Variants in ABCC5 observed in about 807,000 individuals in gnomAD.
ABCC5 encodes the protein ATP-binding cassette sub-family C member 5.
In ABCC5, 61 loss-of-function variants were observed where a neutral mutation model predicts 160.9. That is an observed-to-expected ratio of 0.38 (90% CI 0.31 to 0.47). The LOEUF (loss-of-function observed/expected upper bound fraction) is 0.47, where lower values mean the gene tolerates loss of function less well. Among genes scored for constraint, ABCC5 ranks in the 20% least tolerant of loss-of-function variants. The pLI is 0.99. For missense variants in ABCC5, 1,308 were observed against 1,813.3 expected (o/e 0.72, Z 5.06); for synonymous variants, 666 against 700.6 (o/e 0.95, Z 0.78).
intron 26 of ABCC5, among the ~76,000 whole-genome samples, chr3:183,930,794 C>T (rs1182777091): frequency 2.6e-5 from 4 of 152,156 alleles, no homozygotes; most frequent in Non-Finnish European, 5.9e-5. Context: ...TTCCAGCCCC[C>T]GGAACTGTGA....
At chr3:183,966,577 T>C (rs1717234591) in intron 12 of ABCC5, among the ~76,000 whole-genome samples, 1 of 152,094 alleles carries the variant, frequency 6.6e-6, no homozygotes. Context: ...ACTTACGAAT[T>C]GACCTTTTCT....
At chr3:183,930,369 T>G (rs990102710) in intron 26 of ABCC5, among the ~76,000 whole-genome samples, 3 of 152,260 alleles carry the variant, frequency 2.0e-5, no homozygotes, top group African/African-American at 7.2e-5. Flanking sequence ...TTTTCCCGCT[T>G]GGAACATGCT....
chr3:183,960,181 G>A (rs919556775), intron 16 of ABCC5, among the ~76,000 whole-genome samples: 1 of 152,046 alleles, frequency 6.6e-6, no homozygotes, highest in Non-Finnish European at 1.5e-5. Flanking sequence ...CCATAGATCT[G>A]ATCATTTCCC....
chr3:183,954,551 T>C (rs1323888816), intron 17 of ABCC5, among the ~76,000 whole-genome samples: 1 of 152,110 alleles, frequency 6.6e-6, no homozygotes, highest in African/African-American at 2.4e-5. Context: ...AGGCCTGAAC[T>C]GGGGTTGTGA....
chr3:183,989,107 G>C, intron 3 of ABCC5, 119 bp downstream of exon 3: 4 of 1,032,278 alleles, frequency 3.9e-6, no homozygotes, highest in Non-Finnish European at 5.4e-6. Context: ...GGAGGCGGAG[G>C]TTGCAGTGAG....
chr3:183,933,638 G>A (rs1449425579), intron 26 of ABCC5, among the ~76,000 whole-genome samples: 1 of 152,238 alleles, frequency 6.6e-6, no homozygotes, highest in Non-Finnish European at 1.5e-5. Context: ...GGCAGATAAA[G>A]GAGGGCCAGG....
rs891510654 is a variant in ABCC5 at position 183,982,321 on chromosome 3, T to TAG, written c.999+128_999+129dup. 5 of 1,050,646 alleles carry TAG rather than the reference T, an allele frequency of 4.8e-6. No homozygotes were observed. In the African/African-American group the frequency reaches 8.1e-5, roughly 17 times the overall value. 65.1% of individuals were successfully genotyped at this position (1,050,646 alleles called of 1,614,324 possible). On this transcript the variant is annotated intron_variant, in intron 7 of 29. Coordinates refer to ENST00000334444, the MANE Select transcript of ABCC5 (RefSeq NM_005688.4). This position sits in a 1 kb window ranked among gnomAD's most constrained non-coding sequence, Gnocchi z 5.2. ...CTATAGAGCAAGCACTATCGAGCTC[T>TAG]AGATTGAACCTGCTTTGAGGAAATT...
intron 17 of ABCC5, among the ~76,000 whole-genome samples, chr3:183,958,454 C>G (rs538099066): frequency 6.6e-6 from 1 of 152,148 alleles, no homozygotes. Context: ...TTTTACTGCC[C>G]GTGGTAAGAA....
intron 12 of ABCC5, among the ~76,000 whole-genome samples, chr3:183,965,778 T>C (rs1717163663): frequency 6.6e-6 from 1 of 152,208 alleles, no homozygotes; most frequent in South Asian, 2.1e-4. Context: ...ACTGTTTAAA[T>C]TAGGAGAAGC....
At chr3:184,011,396 CATT>C (rs1420691344) in intron 2 of ABCC5, 4 of 152,166 alleles carry the variant, frequency 2.6e-5, no homozygotes, top group African/African-American at 7.2e-5. Context: ...CTAAAATAAA[CATT>C]ATAACATTGA....
intron 16 of ABCC5, among the ~76,000 whole-genome samples, chr3:183,960,042 C>G (rs1190947366): frequency 2.0e-5 from 3 of 152,174 alleles, no homozygotes; most frequent in Non-Finnish European, 4.4e-5. Context: ...CTGACATTTG[C>G]TCTCCCCAGT....
intron 1 of ABCC5, among the ~76,000 whole-genome samples, chr3:184,016,800 AG>A (rs1256979492): frequency 6.6e-6 from 1 of 152,140 alleles, no homozygotes; most frequent in Non-Finnish European, 1.5e-5. Context: ...TTTTTTACCA[AG>A]ATTCTCTTTC....
rs556698666 is a variant in ABCC5 at position 183,939,946 on chromosome 3, C to T, written c.3695-1886G>A. ...CTGTCTCTTCAGCACTCATGGAGGG[C>T]GCAAACAGCCTGCCTTGCCCCAGTG... On this transcript the variant is annotated intron_variant, in intron 25 of 29. Coordinates refer to ENST00000334444, the MANE Select transcript of ABCC5 (RefSeq NM_005688.4). Among the ~76,000 whole-genome samples the T allele has an allele frequency of 5.9e-4, 90 of 152,260 alleles. 3 individuals are homozygous for T. In the Middle Eastern group the frequency reaches 0.014, roughly 23 times the overall value.
At chr3:183,981,123 TTAAG>T (rs1320038224) in intron 8 of ABCC5, among the ~76,000 whole-genome samples, 1 of 152,210 alleles carries the variant, frequency 6.6e-6, no homozygotes, top group Non-Finnish European at 1.5e-5. Context: ...TTTATTTAAA[TTAAG>T]TATCTATGTG....
chr3:183,925,254 G>C (rs1278634165), intron 29 of ABCC5, among the ~76,000 whole-genome samples: 2 of 152,206 alleles, frequency 1.3e-5, no homozygotes, highest in Non-Finnish European at 2.9e-5. Context: ...AAGTATGCCA[G>C]GGGTGATCAT....
intron 5 of ABCC5, chr3:183,985,412 A>G: frequency 1.3e-6 from 2 of 1,570,302 alleles, no homozygotes; most frequent in Non-Finnish European, 8.8e-7. Context: ...GTTCCACTAC[A>G]GAGAGACTCC....
intron 2 of ABCC5, among the ~76,000 whole-genome samples, chr3:183,994,363 G>A (rs984898273): frequency 1.5e-5 from 2 of 135,852 alleles, no homozygotes. Context: ...CCTCACCAGT[G>A]CTTGGTATTG....
rs188571327 is a variant in ABCC5 at position 183,993,388 on chromosome 3, G to A, written c.130-4005C>T. 1.3e-4 allele frequency among the ~76,000 whole-genome samples: 20 copies of A among 150,422 alleles called. No individual in the cohort carries two copies. In the East Asian group the frequency reaches 3.8e-3, roughly 29 times the overall value. On this transcript the variant is annotated intron_variant, in intron 2 of 29. Transcript: ENST00000334444. ...AGTCCCAGATACTCAGGAGGCTGAG[G>A]TAGGAGGATCTCTTGAACCAGGGAG...
intron 17 of ABCC5, among the ~76,000 whole-genome samples, chr3:183,953,791 C>G (rs1217090573): frequency 1.3e-5 from 2 of 152,116 alleles, no homozygotes; most frequent in Non-Finnish European, 2.9e-5. Flanking sequence ...CACGGGGTAG[C>G]AAAACACACC....
Sources: gnomAD v4.1 joint callset for allele counts (sites outside exome capture counted in the v4.1 genomes callset) on GRCh38, gnomAD v4.1.1 for gene constraint, Gnocchi (gnomAD v3.1) non-coding constraint, MANE v1.5 for transcripts, NCBI Gene and HGNC (gene_info 2026-07-23, HGNC 2026-07-21) for gene names.